The following SLC20A2 variants were observed in gnomAD, a reference collection of about 807,000 sequenced individuals.
SLC20A2 encodes sodium-dependent phosphate transporter 2.
Under a neutral mutation model 61.0 loss-of-function variants are expected in SLC20A2, and 30 were observed. The ratio of observed to expected loss-of-function variants is 0.49; its 90% CI spans 0.37 to 0.67. The LOEUF (loss-of-function observed/expected upper bound fraction) is 0.67, where lower values mean the gene tolerates loss of function less well. Ranked by LOEUF, SLC20A2 falls within the 30% of genes least tolerant of loss-of-function variation. The probability of loss-of-function intolerance (pLI) is 0.00; values close to 1 mark genes in which losing one functional copy is unlikely to be tolerated. For missense variants in SLC20A2, 626 were observed against 866.4 expected (o/e 0.72, Z 3.48); for synonymous variants, 351 against 353.3 (o/e 0.99, Z 0.07).
intron 1 of SLC20A2, among the ~76,000 whole-genome samples, chr8:42,516,262 T>C (rs1811316574): frequency 6.6e-6 from 1 of 152,242 alleles, no homozygotes; most frequent in African/African-American, 2.4e-5. Flanking sequence ...ATACCTGTAC[T>C]GACAATCACG....
chr8:42,527,015 G>A (rs1308666523), intron 1 of SLC20A2, among the ~76,000 whole-genome samples: 3 of 151,692 alleles, frequency 2.0e-5, no homozygotes, highest in Non-Finnish European at 4.4e-5. Flanking sequence ...TGAGGTGGAA[G>A]GACTGCTTGA....
rs1425063265 is a variant in SLC20A2 at position 42,436,963 on chromosome 8, T to C, written c.1523+26A>G. The C allele has an allele frequency of 1.9e-6, 3 of 1,565,024 alleles. No individual in the cohort carries two copies. In the East Asian group the frequency reaches 6.7e-5, roughly 35 times the overall value. On this transcript the variant is annotated intron_variant, in intron 8 of 10. Coordinates refer to ENST00000520262, the MANE Select transcript of SLC20A2 (RefSeq NM_001257180.2). The stretch of plus-strand genomic sequence containing the variant: ...CCTGGCGGAGCCTCAAGGACCCTTG[T>C]TGAATGAATGAATGAAAGCACCCAC...
intron 10 of SLC20A2, among the ~76,000 whole-genome samples, chr8:42,421,399 T>G (rs1803026765): frequency 6.6e-6 from 1 of 152,220 alleles, no homozygotes. Flanking sequence ...GTGGCAGTTT[T>G]TTTCCCTCCC....
chr8:42,452,200 GAT>G (rs1805774080), intron 5 of SLC20A2, among the ~76,000 whole-genome samples: 1 of 141,116 alleles, frequency 7.1e-6, no homozygotes, highest in Admixed American at 7.0e-5. Context: ...AGGAGGAAGA[GAT>G]GGAGGAGGAG....
rs954968586 is a variant in SLC20A2, at chr8:42,457,048, C to T, written c.613+2848G>A. Among the ~76,000 whole-genome samples the T allele has an allele frequency of 9.9e-5, 15 of 151,928 alleles. 2 individuals carry two copies. Among genetic ancestry groups the T allele is most frequent in the African/African-American group, 2.9e-4 (12 of 41,488 alleles). ...AAGTGATTCTCCTGCCTCAGCCTCC[C>T]GGGTAGCTGGGATTACAGGTGCCCG... On this transcript the variant is annotated intron_variant, in intron 5 of 10. Coordinates refer to ENST00000520262, the MANE Select transcript of SLC20A2 (RefSeq NM_001257180.2).
chr8:42,526,953 A>G (rs939106757), intron 1 of SLC20A2, among the ~76,000 whole-genome samples: 4 of 151,892 alleles, frequency 2.6e-5, no homozygotes, highest in Non-Finnish European at 5.9e-5. Context: ...AAAAATAGAA[A>G]AATTTGCCAT....
intron 1 of SLC20A2, chr8:42,541,601 C>CA (rs1289989686): frequency 6.7e-6 from 1 of 149,648 alleles, no homozygotes; most frequent in African/African-American, 2.4e-5. Flanking sequence ...AGAGGGCGTC[C>CA]AGGTCCGCTC....
chr8:42,458,670 G>A (rs1259216834), intron 5 of SLC20A2, among the ~76,000 whole-genome samples: 1 of 151,240 alleles, frequency 6.6e-6, no homozygotes, highest in East Asian at 1.9e-4. Context: ...CACTTTGGGA[G>A]GCCAAGGTGG....
At chr8:42,488,935 GTTTT>G (rs34643152) in intron 1 of SLC20A2, among the ~76,000 whole-genome samples, 1 of 83,522 alleles carries the variant, frequency 1.2e-5, no homozygotes. Context: ...TAGGAGTTTT[GTTTT>G]TTTTTTTTTT....
chr8:42,534,823 A>T (rs1812604020), intron 1 of SLC20A2: 1 of 152,256 alleles, frequency 6.6e-6, no homozygotes, highest in Admixed American at 6.5e-5. Flanking sequence ...ATTTCTGGGG[A>T]CCAACATCCC....
At chr8:42,520,997 T>C (rs1170058786) in intron 1 of SLC20A2, among the ~76,000 whole-genome samples, 1 of 121,340 alleles carries the variant, frequency 8.2e-6, no homozygotes, top group African/African-American at 2.5e-5. Flanking sequence ...TTTATAATGG[T>C]TGCCATTAAG....
intron 1 of SLC20A2, among the ~76,000 whole-genome samples, chr8:42,534,117 G>C (rs1366541802): frequency 2.0e-5 from 3 of 151,806 alleles, no homozygotes; most frequent in Non-Finnish European, 2.9e-5. Flanking sequence ...GCGAGTTCAA[G>C]ACCAGCCTGG....
chr8:42,512,813 A>G (rs1811105091), intron 1 of SLC20A2, among the ~76,000 whole-genome samples: 1 of 152,276 alleles, frequency 6.6e-6, no homozygotes. Flanking sequence ...CAAGTTGTTC[A>G]TACACAGCAG....
chr8:42,430,358 G>C, intron 8 of SLC20A2, 109 bp from the exon 9 acceptor site: 1 of 934,498 alleles, frequency 1.1e-6, no homozygotes, highest in Non-Finnish European at 1.6e-6. Flanking sequence ...CCACAGATAT[G>C]ATGTTTTTCT....
intron 1 of SLC20A2, among the ~76,000 whole-genome samples, chr8:42,485,719 G>A (rs372593021): frequency 4.6e-5 from 7 of 150,984 alleles, no homozygotes; most frequent in South Asian, 2.1e-4. Flanking sequence ...AGGCTGAGGC[G>A]GGCGGATCAC....
chr8:42,528,125 A>G (rs1003690152), intron 1 of SLC20A2, among the ~76,000 whole-genome samples: 1 of 152,182 alleles, frequency 6.6e-6, no homozygotes, highest in Non-Finnish European at 1.5e-5. Flanking sequence ...GAAAAGGTGT[A>G]TACCACAGGA....
chr8:42,514,908 A>G (rs970210920), intron 1 of SLC20A2, among the ~76,000 whole-genome samples: 2 of 152,114 alleles, frequency 1.3e-5, no homozygotes, highest in African/African-American at 4.8e-5. Context: ...GGAAAAAGAG[A>G]GACTTTGGAG....
At chr8:42,507,188 T>C (rs1269147186) in intron 1 of SLC20A2, among the ~76,000 whole-genome samples, 5 of 152,194 alleles carry the variant, frequency 3.3e-5, no homozygotes, top group Non-Finnish European at 4.4e-5. Context: ...GAGCCACTAG[T>C]ATCAGGTGGT....
chr8:42,477,705 T>TCA, intron 1 of SLC20A2, among the ~76,000 whole-genome samples: 1 of 151,720 alleles, frequency 6.6e-6, no homozygotes, highest in Non-Finnish European at 1.5e-5. Flanking sequence ...ACTCCTGACC[T>TCA]TGTGAACTGC....
Sources: allele counts gnomAD v4.1 joint callset (sites outside exome capture counted in the v4.1 genomes callset), GRCh38; gene constraint gnomAD v4.1.1; transcripts MANE v1.5; gene names NCBI Gene and HGNC (gene_info 2026-07-23, HGNC 2026-07-21).